SPOCK3: variants seen among roughly 807,000 people sequenced by gnomAD.
SPOCK3 encodes the protein testican-3.
Under a neutral mutation model 56.6 loss-of-function variants are expected in SPOCK3, and 30 were observed. The observed-to-expected ratio is 0.53, with a 90% CI of 0.40 to 0.72. SPOCK3 has a LOEUF of 0.72. Ranked by LOEUF, SPOCK3 falls within the 30% of genes least tolerant of loss-of-function variation. The probability of loss-of-function intolerance (pLI) is 0.00; values close to 1 mark genes in which losing one functional copy is unlikely to be tolerated. For missense variants in SPOCK3, 527 were observed against 530.0 expected, an observed-to-expected ratio of 0.99 and a Z score of 0.06; for synonymous variants, 196 against 183.3, an observed-to-expected ratio of 1.07 and a Z score of -0.56.
chr4:166,754,824 C>T (rs777869799), intron 7 of SPOCK3, 95 bp from the exon 8 acceptor site: 162 of 1,086,646 alleles, frequency 1.5e-4, no homozygotes, highest in Non-Finnish European at 2.1e-4. Flanking sequence ...TAGTGTAGGA[C>T]ATCTAATGAA....
At chr4:167,085,174 GAA>G (rs59113311) in intron 2 of SPOCK3, among the ~76,000 whole-genome samples, 10 of 97,302 alleles carry the variant, frequency 1.0e-4, no homozygotes, top group African/African-American at 3.4e-4. Context: ...GTTGAATCTA[GAA>G]AAAAAAAAAA....
At chr4:166,850,793 C>A (rs1579420054) in intron 6 of SPOCK3, among the ~76,000 whole-genome samples, 1 of 152,210 alleles carries the variant, frequency 6.6e-6, no homozygotes, top group African/African-American at 2.4e-5. Flanking sequence ...GAGATTATAT[C>A]CCGCACCTGG....
intron 2 of SPOCK3, among the ~76,000 whole-genome samples, chr4:167,136,309 G>C (rs1763117765): frequency 6.6e-6 from 1 of 152,054 alleles, no homozygotes; most frequent in African/African-American, 2.4e-5. Context: ...ATGACGCAAA[G>C]ATTAAAAATA....
At chr4:167,108,412 C>T (rs1175253723) in intron 2 of SPOCK3, among the ~76,000 whole-genome samples, 1 of 151,908 alleles carries the variant, frequency 6.6e-6, no homozygotes, top group Non-Finnish European at 1.5e-5. Flanking sequence ...TCTAAGTGTA[C>T]ATCAACAGAT....
intron 6 of SPOCK3, among the ~76,000 whole-genome samples, chr4:166,841,309 A>G (rs953493254): frequency 1.3e-5 from 2 of 152,214 alleles, no homozygotes; most frequent in African/African-American, 4.8e-5. Context: ...TCCAGATGTT[A>G]GCCATACCAG....
At chr4:166,869,116 A>T (rs1015488458) in intron 6 of SPOCK3, among the ~76,000 whole-genome samples, 1 of 145,020 alleles carries the variant, frequency 6.9e-6, no homozygotes, top group African/African-American at 2.5e-5. Context: ...CATTTGACTC[A>T]ACTGAGCAAC....
chr4:167,182,483 A>AT (rs1227969782), intron 2 of SPOCK3, among the ~76,000 whole-genome samples: 1 of 146,988 alleles, frequency 6.8e-6, no homozygotes, highest in Non-Finnish European at 1.5e-5. Flanking sequence ...AAGTCAATGG[A>AT]AAAAAAAAAT....
intron 2 of SPOCK3, among the ~76,000 whole-genome samples, chr4:167,196,708 A>C (rs2110890460): frequency 6.6e-6 from 1 of 152,074 alleles, no homozygotes; most frequent in Admixed American, 6.6e-5. Flanking sequence ...GACAAAAATT[A>C]ATTTCTTTGC....
chr4:167,177,602 G>A (rs561991544), intron 2 of SPOCK3, among the ~76,000 whole-genome samples: 131 of 152,086 alleles, frequency 8.6e-4, no homozygotes, highest in Middle Eastern at 3.4e-3. Flanking sequence ...TACTGTGAAG[G>A]GACAGGAATA....
At chr4:167,183,001 T>C (rs1430980585) in intron 2 of SPOCK3, among the ~76,000 whole-genome samples, 3 of 151,826 alleles carry the variant, frequency 2.0e-5, no homozygotes, top group African/African-American at 7.3e-5. Context: ...GAAATGGCAG[T>C]GTGTCCATTA....
chr4:166,792,343 T>C (rs1579240377), intron 6 of SPOCK3, 54 bp from the exon 7 acceptor site: 2 of 1,592,776 alleles, frequency 1.3e-6, no homozygotes, highest in East Asian at 4.5e-5. Flanking sequence ...ATAATGTTAG[T>C]GCTATTTCTC....
At chr4:166,768,228 A>G (rs1303165924) in intron 7 of SPOCK3, among the ~76,000 whole-genome samples, 3 of 152,120 alleles carry the variant, frequency 2.0e-5, no homozygotes, top group Admixed American at 6.5e-5. Context: ...TGATCCTGTC[A>G]TTATGATGTT....
At chr4:167,080,670 G>A (rs985598647) in intron 2 of SPOCK3, among the ~76,000 whole-genome samples, 2 of 151,836 alleles carry the variant, frequency 1.3e-5, no homozygotes, top group African/African-American at 4.8e-5. Flanking sequence ...CAGAGGCCAT[G>A]CAATTTTAAC....
rs370779594 is a variant in SPOCK3 at position 167,126,439 on chromosome 4, C to G, written c.190-63902G>C. Among the ~76,000 whole-genome samples, 13 of 152,252 alleles carry G rather than the reference C, an allele frequency of 8.5e-5. 1 individual carries two copies. The highest frequency in any genetic ancestry group is 3.1e-4 in the African/African-American group (13 of 41,542). ...TGGTGCACACCTGAAATCCTGGCTA[C>G]TTGGGAGGCTGAGGCAGGATAATTG... On this transcript the variant is annotated intron_variant, in intron 2 of 10. Transcript: ENST00000357545.
intron 4 of SPOCK3, among the ~76,000 whole-genome samples, chr4:166,996,275 C>A (rs1032694649): frequency 1.3e-5 from 2 of 152,114 alleles, no homozygotes; most frequent in Non-Finnish European, 2.9e-5. Flanking sequence ...CTTACTCTGT[C>A]TTATTATGCC....
chr4:167,026,528 C>T (rs2150172125), intron 3 of SPOCK3, among the ~76,000 whole-genome samples: 1 of 152,092 alleles, frequency 6.6e-6, no homozygotes, highest in East Asian at 1.9e-4. Flanking sequence ...TGGCTTAAGC[C>T]TCTGAGCAAG....
chr4:167,086,357 C>T (rs896876844), intron 2 of SPOCK3, among the ~76,000 whole-genome samples: 7 of 151,994 alleles, frequency 4.6e-5, no homozygotes, highest in East Asian at 1.9e-4. Flanking sequence ...CACTCACTAA[C>T]GATCAATAGC....
chr4:167,229,317 G>A (rs2111165163), intron 2 of SPOCK3, among the ~76,000 whole-genome samples: 1 of 152,236 alleles, frequency 6.6e-6, no homozygotes, highest in South Asian at 2.1e-4. Flanking sequence ...GAGTATGCCT[G>A]TAACTCAAGA....
chr4:166,849,759 C>T (rs1423077896), intron 6 of SPOCK3, among the ~76,000 whole-genome samples: 1 of 152,122 alleles, frequency 6.6e-6, no homozygotes, highest in East Asian at 1.9e-4. Context: ...TTCACCCTTA[C>T]TTCCCCAGTT....
Sources: allele counts gnomAD v4.1 joint callset (sites outside exome capture counted in the v4.1 genomes callset), GRCh38; gene constraint gnomAD v4.1.1; transcripts MANE v1.5; gene names NCBI Gene and HGNC (gene_info 2026-07-23, HGNC 2026-07-21).